The following PEX5L variants were observed in gnomAD, a reference collection of about 807,000 sequenced individuals.
PEX5L encodes peroxisomal biogenesis factor 5 like.
PEX5L carries 30 observed loss-of-function variants against 84.0 expected under a neutral mutation model. That is an observed-to-expected ratio of 0.36 (90% confidence interval 0.27 to 0.48). The LOEUF (loss-of-function observed/expected upper bound fraction) is 0.48, where lower values mean the gene tolerates loss of function less well. Ranked by LOEUF, PEX5L falls within the 20% of genes least tolerant of loss-of-function variation. The pLI is 0.99. For synonymous variants in PEX5L, 270 were observed against 283.1 expected (o/e 0.95, Z 0.46); for missense variants, 533 against 754.6 (o/e 0.71, Z 3.44).
At chr3:179,992,393 G>A (rs1471494703) in intron 1 of PEX5L, among the ~76,000 whole-genome samples, 1 of 152,182 alleles carries the variant, frequency 6.6e-6, no homozygotes, top group Non-Finnish European at 1.5e-5. Context: ...GACAGAGTTG[G>A]TGCTAATCTA....
chr3:179,977,898 A>G (rs1385949929), intron 1 of PEX5L, among the ~76,000 whole-genome samples: 1 of 152,158 alleles, frequency 6.6e-6, no homozygotes, highest in Non-Finnish European at 1.5e-5. Context: ...TGATCATGCT[A>G]CGGTAAAAGA....
chr3:179,864,473 G>A (rs1208708623), intron 7 of PEX5L, among the ~76,000 whole-genome samples: 4 of 152,016 alleles, frequency 2.6e-5, no homozygotes, highest in Non-Finnish European at 5.9e-5. Flanking sequence ...ATGTGGAATC[G>A]AAAAAACTTG....
At chr3:180,008,847 A>G (rs990069663) in intron 1 of PEX5L, among the ~76,000 whole-genome samples, 3 of 152,212 alleles carry the variant, frequency 2.0e-5, no homozygotes, top group African/African-American at 7.2e-5. Context: ...TGGGAGATAC[A>G]ATTCACGAAG....
At chr3:179,822,243 C>A (rs1191865843) in intron 8 of PEX5L, among the ~76,000 whole-genome samples, 2 of 152,112 alleles carry the variant, frequency 1.3e-5, no homozygotes, top group Admixed American at 1.3e-4. Flanking sequence ...AGTGAGAGTC[C>A]TTGGAATTTA....
At chr3:179,842,835 T>C (rs776621188) in intron 8 of PEX5L, among the ~76,000 whole-genome samples, 1 of 152,062 alleles carries the variant, frequency 6.6e-6, no homozygotes, top group Non-Finnish European at 1.5e-5. Context: ...CTGGGCAATA[T>C]AGTAATGAGA....
At chr3:179,816,480 CAT>C (rs1726135312) in intron 9 of PEX5L, among the ~76,000 whole-genome samples, 1 of 152,094 alleles carries the variant, frequency 6.6e-6, no homozygotes, top group Non-Finnish European at 1.5e-5. Flanking sequence ...AGCAAACTAA[CAT>C]AGGAACAGAA....
intron 1 of PEX5L, among the ~76,000 whole-genome samples, chr3:179,988,660 C>T (rs1522116): frequency 0.53 from 81,195 of 152,038 alleles, 23,413 homozygotes; most frequent in African/African-American, 0.78. Context: ...TGTGTAAATA[C>T]GTTTCTCAAG....
intron 8 of PEX5L, among the ~76,000 whole-genome samples, chr3:179,843,547 T>G (rs1463935293): frequency 6.6e-6 from 1 of 152,220 alleles, no homozygotes; most frequent in Non-Finnish European, 1.5e-5. Context: ...CAAGGTATAT[T>G]TTAAGAAAAC....
intron 2 of PEX5L, among the ~76,000 whole-genome samples, chr3:179,942,169 G>A (rs533344746): frequency 6.6e-6 from 1 of 152,248 alleles, no homozygotes; most frequent in East Asian, 1.9e-4. Flanking sequence ...CTAGTCTATT[G>A]AACCCTTCCA....
chr3:180,006,938 T>C (rs9816489), intron 1 of PEX5L, among the ~76,000 whole-genome samples: 30,361 of 151,940 alleles, frequency 0.2, 4,763 homozygotes, highest in African/African-American at 0.44. Context: ...CACCCCTTAC[T>C]CCTAAAAATC....
chr3:179,938,212 T>C (rs558408039), intron 2 of PEX5L, among the ~76,000 whole-genome samples: 2 of 152,346 alleles, frequency 1.3e-5, no homozygotes, highest in Non-Finnish European at 2.9e-5. Context: ...AAATTGCTCA[T>C]GTCATCTAGG....
chr3:179,978,687 G>C (rs1048482655), intron 1 of PEX5L, among the ~76,000 whole-genome samples: 2 of 152,162 alleles, frequency 1.3e-5, no homozygotes, highest in Non-Finnish European at 2.9e-5. Context: ...TCCAAGATCA[G>C]AGCACTAAAG....
At chr3:179,815,263 C>T (rs1725590159) in intron 10 of PEX5L, among the ~76,000 whole-genome samples, 2 of 152,304 alleles carry the variant, frequency 1.3e-5, no homozygotes, top group Middle Eastern at 6.8e-3. Context: ...ATATACTGTC[C>T]CTTGAAAACT....
chr3:179,912,452 T>C (rs2109238020), intron 2 of PEX5L, among the ~76,000 whole-genome samples: 1 of 152,222 alleles, frequency 6.6e-6, no homozygotes, highest in Non-Finnish European at 1.5e-5. Context: ...TAATTCTAGG[T>C]AGATGTTATA....
chr3:179,933,437 A>G (rs1773659315), intron 2 of PEX5L, among the ~76,000 whole-genome samples: 1 of 104,354 alleles, frequency 9.6e-6, no homozygotes, highest in South Asian at 3.0e-4. Flanking sequence ...GGAGTCATAT[A>G]CAATTCTCTT....
intron 1 of PEX5L, among the ~76,000 whole-genome samples, chr3:179,995,849 G>A (rs1009564894): frequency 6.6e-5 from 10 of 152,172 alleles, no homozygotes; most frequent in South Asian, 4.1e-4. Context: ...TAAAGTGAGC[G>A]CATTGATTGG....
intron 2 of PEX5L, chr3:179,921,569 T>C (rs1769409860): frequency 6.6e-6 from 1 of 152,210 alleles, no homozygotes; most frequent in South Asian, 2.1e-4. Context: ...ACCTACCAAG[T>C]ATCATCACAA....
At chr3:179,866,465 G>A (rs1260644116) in intron 7 of PEX5L, among the ~76,000 whole-genome samples, 2 of 152,148 alleles carry the variant, frequency 1.3e-5, no homozygotes, top group Non-Finnish European at 2.9e-5. Context: ...TAAAGCATAC[G>A]GTCACATGTT....
chr3:179,909,550 C>G (rs926549629), intron 2 of PEX5L, among the ~76,000 whole-genome samples: 2 of 152,110 alleles, frequency 1.3e-5, no homozygotes, highest in Non-Finnish European at 2.9e-5. Flanking sequence ...AATGTAGCCA[C>G]AAGCAGATAA....
Sources: gnomAD v4.1 joint callset for allele counts (sites outside exome capture counted in the v4.1 genomes callset) on GRCh38, gnomAD v4.1.1 for gene constraint, MANE v1.5 for transcripts, NCBI Gene and HGNC (gene_info 2026-07-23, HGNC 2026-07-21) for gene names.